NYAP2: variants seen among roughly 807,000 people sequenced by gnomAD.
The protein encoded by NYAP2 is neuronal tyrosine-phosphorylated phosphoinositide-3-kinase adapter 2.
Under a neutral mutation model 50.4 loss-of-function variants are expected in NYAP2, and 23 were observed. That is an observed-to-expected ratio of 0.46 (90% CI 0.33 to 0.65). The LOEUF is 0.65. Among genes scored for constraint, NYAP2 ranks in the 30% least tolerant of loss-of-function variants. The pLI is 0.02. For missense variants in NYAP2, 885 were observed against 861.0 expected, an observed-to-expected ratio of 1.03 and a Z score of -0.35; for synonymous variants, 394 against 365.2, an observed-to-expected ratio of 1.08 and a Z score of -0.90.
the NYAP2 span, among the ~76,000 whole-genome samples, chr2:225,691,343 C>A: frequency 6.6e-6 from 1 of 151,860 alleles, no homozygotes; most frequent in African/African-American, 2.4e-5. Flanking sequence ...GATTTATGTA[C>A]ACCACCATTT....
At chr2:225,567,779 G>A (rs892804469) in intron 4 of NYAP2, among the ~76,000 whole-genome samples, 3 of 152,110 alleles carry the variant, frequency 2.0e-5, no homozygotes, top group African/African-American at 7.2e-5. Context: ...ATAAGTGTGT[G>A]GAACAGTGGT....
chr2:225,495,381 C>T lies in NYAP2; in HGVS notation c.222-17990C>T, dbSNP rs116146878. ...AGGATTGACTCTGGATCTTATAAGG[C>T]GAGATTTAAAGAAATGGAAAGAATA... On this transcript the variant is annotated intron_variant, in intron 3 of 6. Coordinates refer to ENST00000636099, the Ensembl canonical transcript of NYAP2. Among the ~76,000 whole-genome samples the T allele has an allele frequency of 4.8e-3, 734 of 152,092 alleles. 7 individuals carry two copies. Among genetic ancestry groups the T allele is most frequent in the African/African-American group, 0.016 (680 of 41,492 alleles).
At chr2:225,399,939 T>C (rs1270236437) in exon 1 of NYAP2, 1 of 152,102 alleles carries the variant, frequency 6.6e-6, no homozygotes, top group African/African-American at 2.4e-5. Flanking sequence ...CTATAGTGAA[T>C]ATAAATGAAG....
chr2:225,414,297 GAGAA>G (rs1390436135), intron 3 of NYAP2, among the ~76,000 whole-genome samples: 1 of 152,140 alleles, frequency 6.6e-6, no homozygotes, highest in African/African-American at 2.4e-5. Context: ...AACATTTGGT[GAGAA>G]AGAGAGAAAA....
At chr2:225,422,731 A>G (rs1695235066) in intron 3 of NYAP2, among the ~76,000 whole-genome samples, 1 of 152,210 alleles carries the variant, frequency 6.6e-6, no homozygotes, top group Non-Finnish European at 1.5e-5. Context: ...GTGTAGAGAT[A>G]TCCTTCAGGT....
chr2:225,424,179 A>C (rs1695254637), intron 3 of NYAP2, among the ~76,000 whole-genome samples: 1 of 152,156 alleles, frequency 6.6e-6, no homozygotes, highest in Non-Finnish European at 1.5e-5. Context: ...AAAGTGAACC[A>C]AGAATATGTT....
chr2:225,673,049 C>T, the NYAP2 span, among the ~76,000 whole-genome samples: 3 of 151,908 alleles, frequency 2.0e-5, no homozygotes, highest in South Asian at 2.1e-4. Flanking sequence ...CTTACAGTTC[C>T]GCATGGCTGA....
At chr2:225,670,621 A>AT in the NYAP2 span, among the ~76,000 whole-genome samples, 1 of 140,154 alleles carries the variant, frequency 7.1e-6, no homozygotes, top group East Asian at 2.1e-4. Flanking sequence ...AAAAAAAAAA[A>AT]AAAAAAAAAA....
intron 4 of NYAP2, among the ~76,000 whole-genome samples, chr2:225,524,925 A>G (rs1416631729): frequency 1.3e-5 from 2 of 152,234 alleles, no homozygotes; most frequent in African/African-American, 4.8e-5. Flanking sequence ...TAGGCAAAGG[A>G]CATATATAGA....
At chr2:225,569,448 G>C (rs545630409) in intron 4 of NYAP2, among the ~76,000 whole-genome samples, 1 of 152,042 alleles carries the variant, frequency 6.6e-6, no homozygotes, top group East Asian at 1.9e-4. Context: ...AGGGGGGGAG[G>C]TGAGAGAGAC....
At chr2:225,518,364 G>A (rs1426991451) in intron 4 of NYAP2, among the ~76,000 whole-genome samples, 3 of 150,888 alleles carry the variant, frequency 2.0e-5, no homozygotes, top group African/African-American at 7.3e-5. Flanking sequence ...AGGAGTGGGT[G>A]AAAGTATTGG....
the NYAP2 span, among the ~76,000 whole-genome samples, chr2:225,661,721 T>C: frequency 2.0e-5 from 2 of 102,034 alleles, no homozygotes; most frequent in Non-Finnish European, 4.7e-5. Context: ...TTGAATTTGC[T>C]CTCTCTTTTT....
At chr2:225,416,014 G>A (rs962108734) in intron 3 of NYAP2, among the ~76,000 whole-genome samples, 3 of 152,128 alleles carry the variant, frequency 2.0e-5, no homozygotes, top group Admixed American at 6.6e-5. Context: ...GTAGGACTTA[G>A]TGCTCAGGCA....
At chr2:225,562,657 G>A (rs141875119) in intron 4 of NYAP2, among the ~76,000 whole-genome samples, 2 of 152,096 alleles carry the variant, frequency 1.3e-5, no homozygotes, top group African/African-American at 2.4e-5. Context: ...AAGTGGAAGA[G>A]GCTGCACTAT....
At chr2:225,516,752 T>C (rs1690941988) in intron 4 of NYAP2, among the ~76,000 whole-genome samples, 1 of 152,236 alleles carries the variant, frequency 6.6e-6, no homozygotes, top group South Asian at 2.1e-4. Flanking sequence ...ATTGTTCTTT[T>C]ATGAACTCTC....
At chr2:225,478,056 T>A (rs571199972) in intron 3 of NYAP2, among the ~76,000 whole-genome samples, 1 of 152,318 alleles carries the variant, frequency 6.6e-6, no homozygotes, top group African/African-American at 2.4e-5. Context: ...CGGTTGAAAT[T>A]AATCCTGTAG....
intron 3 of NYAP2, among the ~76,000 whole-genome samples, chr2:225,473,036 CAT>C (rs941468436): frequency 6.6e-6 from 1 of 152,112 alleles, no homozygotes; most frequent in Non-Finnish European, 1.5e-5. Flanking sequence ...TCAATTCCCA[CAT>C]ATGAGTGAGA....
At chr2:225,683,185 A>G in the NYAP2 span, among the ~76,000 whole-genome samples, 1 of 152,178 alleles carries the variant, frequency 6.6e-6, no homozygotes, top group South Asian at 2.1e-4. Context: ...AATAATTTTC[A>G]GCAAAAACTT....
downstream of NYAP2, among the ~76,000 whole-genome samples, chr2:225,655,888 ACAC>A (rs1559242650): frequency 0.03 from 2,237 of 74,134 alleles, 64 homozygotes; most frequent in African/African-American, 0.14. Flanking sequence ...CCTCCACTAC[ACAC>A]ACACACACAC....
Sources: gnomAD v4.1 joint callset for allele counts (sites outside exome capture counted in the v4.1 genomes callset) on GRCh38, gnomAD v4.1.1 for gene constraint, MANE v1.5 for transcripts, NCBI Gene and HGNC (gene_info 2026-07-23, HGNC 2026-07-21) for gene names.